Variants in CCDC178 observed in about 807,000 individuals in gnomAD.
CCDC178 encodes the protein coiled-coil domain containing 178, also known as coiled-coil domain-containing protein 178.
CCDC178 carries 126 observed loss-of-function variants against 117.4 expected under a neutral mutation model. The ratio of observed to expected loss-of-function variants is 1.07; its 90% CI spans 0.93 to 1.24. The LOEUF (loss-of-function observed/expected upper bound fraction) is 1.24. CCDC178 is among the 50% of genes most tolerant of loss of function. CCDC178 has a pLI of 0.00. For missense variants in CCDC178, 1,030 were observed against 986.9 expected, an observed-to-expected ratio of 1.04 and a Z score of -0.59; for synonymous variants, 283 against 313.4, an observed-to-expected ratio of 0.90 and a Z score of 1.02.
intron 21 of CCDC178, among the ~76,000 whole-genome samples, chr18:33,065,927 T>C (rs905480858): frequency 2.0e-5 from 3 of 150,758 alleles, no homozygotes; most frequent in Non-Finnish European, 3.0e-5. Flanking sequence ...AGTGGCGTGA[T>C]CTTGGCTCAC....
At chr18:33,325,798 G>C (rs894544311) in intron 10 of CCDC178, among the ~76,000 whole-genome samples, 1 of 152,012 alleles carries the variant, frequency 6.6e-6, no homozygotes, top group Admixed American at 6.6e-5. Flanking sequence ...CGCATCTTTT[G>C]AAATTTATCC....
At chr18:32,940,493 A>G (rs551625814) in intron 22 of CCDC178, among the ~76,000 whole-genome samples, 7 of 151,980 alleles carry the variant, frequency 4.6e-5, no homozygotes, top group East Asian at 1.9e-4. Context: ...ATGAATTATT[A>G]TTATTATTTT....
intron 20 of CCDC178, among the ~76,000 whole-genome samples, chr18:33,177,031 T>A (rs1472002039): frequency 6.6e-6 from 1 of 152,186 alleles, no homozygotes; most frequent in Non-Finnish European, 1.5e-5. Context: ...AACCATCTTA[T>A]TGAATGAACT....
chr18:33,322,855 T>C (rs1254008515), intron 11 of CCDC178, among the ~76,000 whole-genome samples: 14 of 151,300 alleles, frequency 9.3e-5, no homozygotes, highest in Admixed American at 9.2e-4. Flanking sequence ...TGACTGTAAC[T>C]CCCATAGTGA....
intron 21 of CCDC178, among the ~76,000 whole-genome samples, chr18:33,072,616 T>C (rs1160744554): frequency 1.3e-5 from 2 of 152,174 alleles, no homozygotes; most frequent in Admixed American, 1.3e-4. Flanking sequence ...GAATAAAATG[T>C]CTTCATTATT....
chr18:33,361,072 A>T (rs2063119560), intron 6 of CCDC178, among the ~76,000 whole-genome samples: 2 of 151,696 alleles, frequency 1.3e-5, no homozygotes, highest in Non-Finnish European at 3.0e-5. Flanking sequence ...GAAGCATCAG[A>T]CTTCCTGATT....
intron 22 of CCDC178, among the ~76,000 whole-genome samples, chr18:32,950,885 A>G (rs2054467570): frequency 6.6e-6 from 1 of 152,180 alleles, no homozygotes. Flanking sequence ...ACCTTTTCCT[A>G]TGTTACAGCT....
intron 21 of CCDC178, among the ~76,000 whole-genome samples, chr18:33,024,734 C>G (rs2056189995): frequency 6.6e-6 from 1 of 151,836 alleles, no homozygotes; most frequent in African/African-American, 2.4e-5. Context: ...AGCTCCACCT[C>G]CCGGGTTCAC....
chr18:33,388,902 A>G (rs1188887353), intron 5 of CCDC178, among the ~76,000 whole-genome samples: 12 of 152,072 alleles, frequency 7.9e-5, no homozygotes, highest in Admixed American at 6.6e-4. Context: ...AAAACCAAAC[A>G]CTGCATGTTC....
chr18:33,150,917 A>C (rs561802394), intron 20 of CCDC178, among the ~76,000 whole-genome samples: 2 of 152,348 alleles, frequency 1.3e-5, no homozygotes, highest in South Asian at 4.1e-4. Flanking sequence ...CTACTCGGGC[A>C]TAAATAGGAA....
At position 33,041,898 on chromosome 18, in the gene CCDC178, A is replaced by G. The variant is rs144779257; in HGVS notation, c.2388+50863T>C. Among the ~76,000 whole-genome samples the G allele has an allele frequency of 5.2e-3, 796 of 152,014 alleles. 6 individuals are homozygous for G. Among genetic ancestry groups the G allele is most frequent in the Middle Eastern group, 0.024 (7 of 294 alleles). On this transcript the variant is annotated intron_variant, in intron 21 of 22. Transcript: ENST00000383096. ...TATAATATTGGGGAATTCAGTAAGC[A>G]TTAGGGTACAAATTTAGCATACAAA...
chr18:33,011,764 A>T (rs1277719244), intron 21 of CCDC178, among the ~76,000 whole-genome samples: 1 of 138,554 alleles, frequency 7.2e-6, no homozygotes, highest in Non-Finnish European at 1.5e-5. Flanking sequence ...ATTGAGCAGA[A>T]TGCAAAAAAA....
At chr18:32,951,557 C>A (rs1340370693) in intron 22 of CCDC178, among the ~76,000 whole-genome samples, 1 of 152,198 alleles carries the variant, frequency 6.6e-6, no homozygotes, top group African/African-American at 2.4e-5. Flanking sequence ...TTATCTCCAC[C>A]AGGTTGGTCT....
At chr18:32,954,563 C>T (rs1394941959) in intron 22 of CCDC178, 2 of 151,942 alleles carry the variant, frequency 1.3e-5, no homozygotes, top group Non-Finnish European at 2.9e-5. Context: ...ACATCAATTG[C>T]CATGGTGGAA....
chr18:32,938,628 T>C (rs2054171605), intron 22 of CCDC178, among the ~76,000 whole-genome samples: 1 of 152,082 alleles, frequency 6.6e-6, no homozygotes, highest in Non-Finnish European at 1.5e-5. Flanking sequence ...CATATACACA[T>C]ACAGAAGGGT....
chr18:33,091,395 G>A (rs568846487), intron 21 of CCDC178, among the ~76,000 whole-genome samples: 2 of 125,768 alleles, frequency 1.6e-5, no homozygotes, highest in Non-Finnish European at 3.1e-5. Context: ...GGAGTGCAGT[G>A]GTGCATTCTT....
chr18:33,193,264 C>CAAAAAA (rs59092607), intron 20 of CCDC178, among the ~76,000 whole-genome samples: 22 of 77,178 alleles, frequency 2.9e-4, no homozygotes, highest in African/African-American at 6.2e-4. Flanking sequence ...CTCCGTCTCA[C>CAAAAAA]AAAAAAAAAA....
chr18:33,047,573 G>A (rs1198442512), intron 21 of CCDC178, among the ~76,000 whole-genome samples: 1 of 151,962 alleles, frequency 6.6e-6, no homozygotes, highest in Non-Finnish European at 1.5e-5. Context: ...TATTGCTTAG[G>A]GTCTTCAAGT....
chr18:33,070,225 C>T (rs540456454), intron 21 of CCDC178, among the ~76,000 whole-genome samples: 33 of 152,062 alleles, frequency 2.2e-4, no homozygotes, highest in Middle Eastern at 6.8e-3. Flanking sequence ...TACCTGCACC[C>T]GCATGTTTAT....
Sources: gnomAD v4.1 joint callset for allele counts (sites outside exome capture counted in the v4.1 genomes callset) on GRCh38, gnomAD v4.1.1 for gene constraint, MANE v1.5 for transcripts, NCBI Gene and HGNC (gene_info 2026-07-23, HGNC 2026-07-21) for gene names.